The following CUX1 variants were observed in gnomAD, a reference collection of about 807,000 sequenced individuals.
CUX1 encodes cut like homeobox 1.
CUX1 carries 31 observed loss-of-function variants against 158.8 expected under a neutral mutation model. That is an observed-to-expected ratio of 0.20 (90% CI 0.15 to 0.26). CUX1 has a LOEUF of 0.26. CUX1 is among the 10% of genes least tolerant of loss of function. CUX1 has a pLI of 1.00. For synonymous variants in CUX1, 879 were observed against 862.1 expected (o/e 1.02, Z -0.34); for missense variants, 1,589 against 2,014.6 (o/e 0.79, Z 4.04).
At chr7:102,095,391 A>G (rs542314326) in intron 4 of CUX1, among the ~76,000 whole-genome samples, 1 of 152,284 alleles carries the variant, frequency 6.6e-6, no homozygotes, top group Non-Finnish European at 1.5e-5. Context: ...ATGCACCAGA[A>G]AGAGATGCAA....
intron 2 of CUX1, chr7:101,932,654 T>C (rs1036510643): frequency 8.8e-6 from 4 of 452,260 alleles, no homozygotes; most frequent in Non-Finnish European, 1.3e-5. Flanking sequence ...AATTAAAAGC[T>C]GCAGACAAGT....
rs148647642 is a variant in CUX1 at position 102,017,165 on chromosome 7, G to A, written c.142-10933G>A. 1.2e-3 allele frequency among the ~76,000 whole-genome samples: 181 copies of A among 151,458 alleles called. 2 individuals are homozygous for A. The highest frequency in any genetic ancestry group is 2.0e-3 in the Admixed American group (31 of 15,168). ...CTAAAAATGCAAAAATTAGCCTGAC[G>A]TGGTAGTGGGCGCCTATACTCCCAG... On this transcript the variant is annotated intron_variant, in intron 2 of 23. Transcript: ENST00000292535.
At chr7:102,036,679 T>C (rs1467123754) in intron 3 of CUX1, among the ~76,000 whole-genome samples, 1 of 149,282 alleles carries the variant, frequency 6.7e-6, no homozygotes, top group Non-Finnish European at 1.5e-5. Context: ...GAAGCAGAGG[T>C]AGCAGTGAGC....
intron 8 of CUX1, among the ~76,000 whole-genome samples, chr7:102,154,915 G>C (rs1166383086): frequency 6.6e-6 from 1 of 152,190 alleles, no homozygotes; most frequent in Admixed American, 6.5e-5. Flanking sequence ...AGCCGGACCA[G>C]TCCCCATCCA....
chr7:102,046,883 C>G (rs1333214858), intron 3 of CUX1, among the ~76,000 whole-genome samples: 2 of 152,110 alleles, frequency 1.3e-5, no homozygotes, highest in Non-Finnish European at 2.9e-5. Context: ...ACCCAGCTCA[C>G]TTCTGTTCTT....
At chr7:101,982,453 G>T (rs914259258) in intron 2 of CUX1, among the ~76,000 whole-genome samples, 1 of 151,830 alleles carries the variant, frequency 6.6e-6, no homozygotes, top group Non-Finnish European at 1.5e-5. Context: ...TTGAGATGGA[G>T]TCTTGCTCTG....
At chr7:101,910,033 C>T (rs982233434) in intron 1 of CUX1, among the ~76,000 whole-genome samples, 7 of 152,178 alleles carry the variant, frequency 4.6e-5, no homozygotes, top group African/African-American at 1.4e-4. Context: ...GATTCTCCTG[C>T]CTCAGCCTCT....
chr7:102,040,429 G>A (rs998874948), intron 3 of CUX1, among the ~76,000 whole-genome samples: 18 of 152,292 alleles, frequency 1.2e-4, no homozygotes, highest in African/African-American at 3.1e-4. Context: ...AGTAGGGCCC[G>A]GGTCATGCCA....
At chr7:102,264,285 C>T (rs921069543) in intron 14 of CUX1, among the ~76,000 whole-genome samples, 1 of 152,170 alleles carries the variant, frequency 6.6e-6, no homozygotes, top group Non-Finnish European at 1.5e-5. Context: ...GGATTACAGG[C>T]ATGAGCCATC....
chr7:102,118,825 C>T (rs1257025089), intron 8 of CUX1, among the ~76,000 whole-genome samples: 1 of 152,212 alleles, frequency 6.6e-6, no homozygotes, highest in Non-Finnish European at 1.5e-5. Flanking sequence ...GATCTTGGCT[C>T]ACTACAACCT....
chr7:101,838,718 G>T (rs1035553056), intron 1 of CUX1, among the ~76,000 whole-genome samples: 4 of 151,834 alleles, frequency 2.6e-5, no homozygotes, highest in Admixed American at 2.0e-4. Context: ...CAGGAGAATC[G>T]CTTGAACCTG....
intron 18 of CUX1, chr7:102,279,969 TG>T: frequency 9.6e-7 from 1 of 1,038,894 alleles, no homozygotes; most frequent in Non-Finnish European, 1.5e-6. Flanking sequence ...GAGGCTCCCC[TG>T]GGCTCCTGCC....
chr7:102,214,296 C>T (rs1212579867), intron 20 of CUX1, among the ~76,000 whole-genome samples: 2 of 152,046 alleles, frequency 1.3e-5, no homozygotes, highest in African/African-American at 4.8e-5. Context: ...GGCTAAGACT[C>T]AAGGATCGCT....
chr7:102,188,592 G>C (rs1793893837), intron 11 of CUX1: 1 of 151,734 alleles, frequency 6.6e-6, no homozygotes, highest in African/African-American at 2.4e-5. Context: ...GGGTCACCTG[G>C]GGTCGGGAGT....
intron 2 of CUX1, among the ~76,000 whole-genome samples, chr7:101,969,088 G>C (rs1438235451): frequency 6.6e-6 from 1 of 151,812 alleles, no homozygotes; most frequent in Non-Finnish European, 1.5e-5. Flanking sequence ...AGCACTTTGG[G>C]AGGCCAAAGC....
intron 3 of CUX1, among the ~76,000 whole-genome samples, chr7:102,038,854 C>G (rs1401383284): frequency 2.0e-5 from 3 of 152,108 alleles, no homozygotes; most frequent in Non-Finnish European, 4.4e-5. Context: ...ACTCAGGAGG[C>G]TGAGGCAGGA....
chr7:102,112,341 A>G (rs1831000521), intron 7 of CUX1, among the ~76,000 whole-genome samples: 1 of 149,200 alleles, frequency 6.7e-6, no homozygotes, highest in Admixed American at 6.7e-5. Context: ...TCCTGGGTTA[A>G]TGCCATTCTC....
At chr7:101,877,137 A>G (rs560205686) in intron 1 of CUX1, among the ~76,000 whole-genome samples, 6 of 152,358 alleles carry the variant, frequency 3.9e-5, no homozygotes, top group African/African-American at 1.2e-4. Flanking sequence ...GGAACAATTC[A>G]TAGCAGTAAC....
At chr7:102,055,782 G>C (rs191565124) in intron 3 of CUX1, among the ~76,000 whole-genome samples, 3 of 152,224 alleles carry the variant, frequency 2.0e-5, no homozygotes, top group Non-Finnish European at 4.4e-5. Context: ...TGAGAAAGGC[G>C]TGTTGAAAGC....
Sources: allele counts gnomAD v4.1 joint callset (sites outside exome capture counted in the v4.1 genomes callset), GRCh38; gene constraint gnomAD v4.1.1; transcripts MANE v1.5; gene names NCBI Gene and HGNC (gene_info 2026-07-23, HGNC 2026-07-21).